The following CAST variants were observed in gnomAD, a reference collection of about 807,000 sequenced individuals.
CAST encodes calpastatin.
A neutral mutation model predicts 119.6 loss-of-function variants in CAST; 76 were observed. The observed-to-expected ratio is 0.64, with a 90% confidence interval of 0.53 to 0.77. The LOEUF is 0.77. CAST is among the 30% of genes least tolerant of loss of function. The probability of loss-of-function intolerance (pLI) is 0.00; values close to 1 mark genes in which losing one functional copy is unlikely to be tolerated. For missense variants in CAST, 953 were observed against 946.5 expected, an observed-to-expected ratio of 1.01 and a Z score of -0.09; for synonymous variants, 319 against 331.6, an observed-to-expected ratio of 0.96 and a Z score of 0.41.
chr5:95,967,416 T>TTAAAA, the CAST span, among the ~76,000 whole-genome samples: 12,183 of 144,470 alleles, frequency 0.084, 933 homozygotes, highest in East Asian at 0.41. Flanking sequence ...GACCCTATCT[T>TTAAAA]TAAATAAATA....
the CAST span, among the ~76,000 whole-genome samples, chr5:96,160,256 C>G: frequency 1.4e-4 from 21 of 152,234 alleles, no homozygotes; most frequent in Non-Finnish European, 2.5e-4. Flanking sequence ...TCTCTGTTAG[C>G]AGTCACTCTC....
the CAST span, among the ~76,000 whole-genome samples, chr5:96,487,844 C>A: frequency 6.6e-6 from 1 of 152,120 alleles, no homozygotes; most frequent in South Asian, 2.1e-4. Context: ...GGTGGCATCA[C>A]GAAAGGGCAC....
the CAST span, among the ~76,000 whole-genome samples, chr5:96,497,413 G>C: frequency 2.6e-5 from 4 of 152,032 alleles, no homozygotes; most frequent in South Asian, 2.1e-4. Flanking sequence ...ATTTCTAGTT[G>C]TAGATCCCTG....
the CAST span, among the ~76,000 whole-genome samples, chr5:96,263,505 A>T: frequency 9.6e-4 from 146 of 152,262 alleles, no homozygotes; most frequent in Non-Finnish European, 1.4e-3. Context: ...TCCATTCAAC[A>T]ATCACCTGTT....
the CAST span, among the ~76,000 whole-genome samples, chr5:96,050,434 G>C: frequency 2.6e-5 from 4 of 152,014 alleles, no homozygotes; most frequent in South Asian, 4.2e-4. Context: ...ACCAGAAAAG[G>C]GGGGGTCAAT....
the CAST span, among the ~76,000 whole-genome samples, chr5:96,465,166 A>G: frequency 6.6e-6 from 1 of 151,962 alleles, no homozygotes; most frequent in Admixed American, 6.6e-5. Context: ...ATTTTATAAT[A>G]GTGTAAATGT....
intron 1 of CAST, among the ~76,000 whole-genome samples, chr5:96,672,808 CT>C (rs1241201349): frequency 6.7e-6 from 1 of 149,970 alleles, no homozygotes; most frequent in African/African-American, 2.5e-5. Context: ...TGTCATTATA[CT>C]TTTGTGTATT....
At chr5:96,567,686 T>C (rs1458705619) in intron 1 of CAST, among the ~76,000 whole-genome samples, 2 of 152,194 alleles carry the variant, frequency 1.3e-5, no homozygotes, top group Non-Finnish European at 2.9e-5. Flanking sequence ...CTTTTCTTCT[T>C]TTCATGTATA....
the CAST span, among the ~76,000 whole-genome samples, chr5:96,141,630 G>A: frequency 6.6e-6 from 1 of 152,190 alleles, no homozygotes; most frequent in Non-Finnish European, 1.5e-5. Flanking sequence ...TCTTACTAAA[G>A]TCTATATCTC....
the CAST span, among the ~76,000 whole-genome samples, chr5:96,009,845 CA>C: frequency 6.6e-6 from 1 of 151,890 alleles, no homozygotes; most frequent in South Asian, 2.1e-4. Flanking sequence ...TGCTGTTGGG[CA>C]CTTAGTTGAA....
intron 3 of CAST, among the ~76,000 whole-genome samples, chr5:96,698,879 T>A (rs1488737277): frequency 6.6e-6 from 1 of 152,230 alleles, no homozygotes; most frequent in African/African-American, 2.4e-5. Flanking sequence ...TTTAAAGTTT[T>A]AAAAATTAAG....
chr5:96,690,756 G>A (rs1752636275), intron 2 of CAST, among the ~76,000 whole-genome samples: 1 of 152,212 alleles, frequency 6.6e-6, no homozygotes, highest in Admixed American at 6.5e-5. Context: ...ATAATTGCTA[G>A]TGTTGGAGAA....
In CAST at chr5:96,741,584, T is replaced by C; in HGVS notation, c.1098+4T>C. ...GAAGAAAAGAAAGGTGGAGAAGGTATAGTCACAGTCTACCTGACAGCAGTT... is the reference window on the plus strand; with the variant it reads ...GAAGAAAAGAAAGGTGGAGAAGGTACAGTCACAGTCTACCTGACAGCAGTT... On this transcript the variant is annotated splice_donor_region_variant and intron_variant, in intron 15 of 31. Coordinates refer to ENST00000675179, the MANE Select transcript of CAST (RefSeq NM_001750.7). 1 of 1,601,622 alleles carries C rather than the reference T, an allele frequency of 6.2e-7. No homozygotes were observed. The highest frequency in any genetic ancestry group is 8.6e-7 in the Non-Finnish European group (1 of 1,168,752).
chr5:96,094,203 T>A, the CAST span, among the ~76,000 whole-genome samples: 1 of 152,224 alleles, frequency 6.6e-6, no homozygotes, highest in Non-Finnish European at 1.5e-5. Flanking sequence ...AAAACCAAAT[T>A]ACTTACCTAG....
the CAST span, among the ~76,000 whole-genome samples, chr5:96,293,762 A>G: frequency 6.6e-6 from 1 of 151,952 alleles, no homozygotes; most frequent in South Asian, 2.1e-4. Context: ...CCAGATTATT[A>G]TTATTATTAT....
the CAST span, chr5:96,423,498 A>T: frequency 6.2e-7 from 1 of 1,605,366 alleles, no homozygotes; most frequent in African/African-American, 1.3e-5. Context: ...TAAAATTATC[A>T]TTTGCTTGCT....
chr5:96,061,668 C>A, the CAST span, among the ~76,000 whole-genome samples: 83,249 of 147,392 alleles, frequency 0.56, 23,543 homozygotes, highest in Non-Finnish European at 0.64. Context: ...TGTGTGTGTG[C>A]GTGTGTGTGT....
the CAST span, among the ~76,000 whole-genome samples, chr5:96,490,736 A>T: frequency 1.3e-5 from 2 of 152,196 alleles, no homozygotes; most frequent in South Asian, 2.1e-4. Flanking sequence ...TGATACTACT[A>T]AAAAAATCAA....
At position 96,772,555 on chromosome 5, in the gene CAST, T is replaced by C. The variant is rs184199207; in HGVS notation, c.*24-85T>C. 5 of 152,876 alleles carry C rather than the reference T, an allele frequency of 3.3e-5. No individual in the cohort carries two copies. In the East Asian group the frequency reaches 9.4e-4, roughly 29 times the overall value. The allele number at this position is 152,876 out of a possible 1,614,324, so 9.5% of individuals were successfully genotyped here. On this transcript the variant is annotated intron_variant, in intron 31 of 31. Coordinates refer to ENST00000675179, the MANE Select transcript of CAST (RefSeq NM_001750.7). ...TCCTTCTGTCTGTTATACAATGCTT[T>C]TGCTAAGTGGTATATTTACTATGTC...
Sources: allele counts gnomAD v4.1 joint callset (sites outside exome capture counted in the v4.1 genomes callset), GRCh38; gene constraint gnomAD v4.1.1; transcripts MANE v1.5; gene names NCBI Gene and HGNC (gene_info 2026-07-23, HGNC 2026-07-21).